The following AGO3 variants were observed in gnomAD, a reference collection of about 807,000 sequenced individuals.
AGO3 encodes the protein argonaute RISC catalytic component 3.
A neutral mutation model predicts 105.5 loss-of-function variants in AGO3; 16 were observed. The observed-to-expected ratio is 0.15, with a 90% CI of 0.10 to 0.23. The LOEUF is 0.23. AGO3 is among the 10% of genes least tolerant of loss of function. AGO3 has a pLI of 1.00. For synonymous variants in AGO3, 340 were observed against 367.3 expected, an observed-to-expected ratio of 0.93 and a Z score of 0.85; for missense variants, 534 against 1,088.0, an observed-to-expected ratio of 0.49 and a Z score of 7.16.
At chr1:36,024,645 C>T (rs1448298134) in intron 11 of AGO3, among the ~76,000 whole-genome samples, 1 of 152,170 alleles carries the variant, frequency 6.6e-6, no homozygotes, top group Non-Finnish European at 1.5e-5. Context: ...GTTTAGTCTT[C>T]TCTTTGACTA....
intron 2 of AGO3, among the ~76,000 whole-genome samples, chr1:35,960,110 A>G (rs1218996199): frequency 5.9e-5 from 9 of 152,122 alleles, no homozygotes; most frequent in Non-Finnish European, 5.9e-5. Context: ...TCAGGTTGGT[A>G]GTTTCCCAAT....
chr1:35,931,505 C>T (rs1646046561), intron 1 of AGO3, 60 bp downstream of exon 1: 2 of 1,340,800 alleles, frequency 1.5e-6, no homozygotes, highest in Admixed American at 3.8e-5. Context: ...CTCTGAGCAT[C>T]CCTGCTCCTC....
Position 36,027,106 on chromosome 1 carries a change from C to A in AGO3, c.1407-8C>A, listed in dbSNP as rs757316425. 6.2e-7 allele frequency: 1 copy of A among 1,606,486 alleles called. No homozygotes were observed. The highest frequency in any genetic ancestry group is 8.5e-7 in the Non-Finnish European group (1 of 1,176,616). ...AAAGGTTTTATATTTAGTGGTTTCT[C>A]CTTCCAGGGGTTTCACAGACCAGCT... On this transcript the variant is annotated splice_region_variant and splice_polypyrimidine_tract_variant and intron_variant, in intron 11 of 18. Coordinates refer to ENST00000373191, the MANE Select transcript of AGO3 (RefSeq NM_024852.4). The surrounding 1 kb of genome is among the most constrained non-coding windows in gnomAD (Gnocchi z 4.0).
In AGO3 at chr1:36,013,877, G is replaced by T. The variant is rs1320183458; in HGVS notation, c.1273-38G>T. ...TACTTTCTGTTTATTGAAAATTTTT[G>T]TTCTTTTTCACCATGTTATTTTTTT... On this transcript the variant is annotated intron_variant, in intron 10 of 18. Transcript: ENST00000373191. 7 of 1,599,670 alleles carry T rather than the reference G, an allele frequency of 4.4e-6. No individual in the cohort carries two copies. The Admixed American group carries it at 8.7e-5, about 20-fold the overall frequency.
At chr1:36,042,924 C>T (rs2148852349) in intron 16 of AGO3, among the ~76,000 whole-genome samples, 1 of 152,268 alleles carries the variant, frequency 6.6e-6, no homozygotes, top group Non-Finnish European at 1.5e-5. Context: ...TTTCCCTAAA[C>T]AAATGGAAAT....
intron 2 of AGO3, among the ~76,000 whole-genome samples, chr1:35,952,145 TTTC>T (rs200167957): frequency 0.01 from 852 of 83,442 alleles, 11 homozygotes; most frequent in East Asian, 0.071. Context: ...TCTTTCTTTC[TTTC>T]TTTTTTTTTT....
chr1:35,981,928 A>G (rs1039462851), intron 5 of AGO3, among the ~76,000 whole-genome samples: 4 of 152,058 alleles, frequency 2.6e-5, no homozygotes, highest in African/African-American at 9.7e-5. Context: ...TTTTAGTCTC[A>G]AGTACTTTGG....
At chr1:36,012,668 A>G (rs1029842494) in intron 9 of AGO3, among the ~76,000 whole-genome samples, 2 of 152,194 alleles carry the variant, frequency 1.3e-5, no homozygotes, top group Admixed American at 6.5e-5. Context: ...ATAAATTTTA[A>G]TAGAATGTAT....
intron 9 of AGO3, among the ~76,000 whole-genome samples, chr1:36,010,001 C>T (rs978265860): frequency 2.2e-5 from 3 of 137,130 alleles, no homozygotes; most frequent in Non-Finnish European, 3.0e-5. Context: ...TGCAGTGGCA[C>T]GATCTTGGCT....
chr1:36,001,810 C>T (rs1196028437), intron 5 of AGO3, among the ~76,000 whole-genome samples: 1 of 152,022 alleles, frequency 6.6e-6, no homozygotes, highest in Non-Finnish European at 1.5e-5. Flanking sequence ...TAAGTACTAA[C>T]AATGGTTACT....
At chr1:36,042,244 C>G (rs1045385563) in intron 16 of AGO3, among the ~76,000 whole-genome samples, 1 of 151,970 alleles carries the variant, frequency 6.6e-6, no homozygotes, top group Non-Finnish European at 1.5e-5. Context: ...GCCACCACAC[C>G]CGGCTAATTT....
rs370133222 is a variant in AGO3 at position 36,029,696 on chromosome 1, C to CTT, written c.1591+2411_1591+2412dup. Among the ~76,000 whole-genome samples the CTT allele has an allele frequency of 4.1e-4, 50 of 123,040 alleles. 1 individual carries two copies. In the East Asian group the frequency reaches 5.7e-3, roughly 14 times the overall value. 80.7% of individuals were successfully genotyped at this position (123,040 alleles called of 152,430 possible). On this transcript the variant is annotated intron_variant, in intron 12 of 18. Transcript: ENST00000373191. ...CAGGCGTGAGCCACCATGCCCGGCC[C>CTT]TTTTTTTTTTTTTTGAGACAGAGTC...
At chr1:36,019,302 A>G (rs79955314) in intron 11 of AGO3, among the ~76,000 whole-genome samples, 3 of 152,334 alleles carry the variant, frequency 2.0e-5, no homozygotes, top group East Asian at 1.9e-4. Context: ...TGACTATTTC[A>G]TAAGGGTTCA....
At chr1:36,032,895 C>A (rs1162733105) in intron 12 of AGO3, among the ~76,000 whole-genome samples, 2 of 151,832 alleles carry the variant, frequency 1.3e-5, no homozygotes, top group Non-Finnish European at 2.9e-5. Context: ...GAGGCCAAGG[C>A]GGGTGGATCA....
At position 35,966,939 on chromosome 1, in the gene AGO3, T is replaced by C. The variant is rs369014021; in HGVS notation, c.192-16T>C. The C allele has an allele frequency of 6.3e-7, 1 of 1,599,124 alleles. No individual in the cohort carries two copies. The highest frequency in any genetic ancestry group is 1.4e-5 in the African/African-American group (1 of 74,068). On this transcript the variant is annotated splice_polypyrimidine_tract_variant and intron_variant, in intron 2 of 18. Transcript: ENST00000373191. ...CTTACAGAGGATTATGTGAATATATTGTTTCCCTTCTTTAGGGAGGTGGTT... is the reference window on the plus strand; with the variant it reads ...CTTACAGAGGATTATGTGAATATATCGTTTCCCTTCTTTAGGGAGGTGGTT...
chr1:36,025,776 G>T (rs1200690681), intron 11 of AGO3, among the ~76,000 whole-genome samples: 3 of 152,244 alleles, frequency 2.0e-5, no homozygotes, highest in Admixed American at 6.5e-5. Flanking sequence ...AGTGGCTCAT[G>T]CCTGTAATCC....
Position 35,989,742 on chromosome 1 carries a change from G to A in AGO3, c.659-14599G>A, listed in dbSNP as rs532780919. Among the ~76,000 whole-genome samples, 36 of 152,108 alleles carry A rather than the reference G, an allele frequency of 2.4e-4. No individual in the cohort carries two copies. The South Asian group carries it at 7.1e-3, about 30-fold the overall frequency. On this transcript the variant is annotated intron_variant, in intron 5 of 18. Coordinates refer to ENST00000373191, the MANE Select transcript of AGO3 (RefSeq NM_024852.4). ...ATATAAAAATTAGCCAGGCGTGATA[G>A]CATGAGCTTGCAATCCCGGCCACTC...
chr1:36,041,827 G>T (rs981738194), intron 16 of AGO3, among the ~76,000 whole-genome samples: 1 of 152,086 alleles, frequency 6.6e-6, no homozygotes, highest in Admixed American at 6.6e-5. Context: ...TATTTGGGTT[G>T]TCGGGAGAAT....
At chr1:36,003,078 AATAAATAG>A (rs1032123053) in intron 5 of AGO3, among the ~76,000 whole-genome samples, 6 of 152,112 alleles carry the variant, frequency 3.9e-5, no homozygotes, top group African/African-American at 9.7e-5. Flanking sequence ...CTAAAAAATA[AATAAATAG>A]ATAAATAGAT....
Sources: gnomAD v4.1 joint callset for allele counts (sites outside exome capture counted in the v4.1 genomes callset) on GRCh38, gnomAD v4.1.1 for gene constraint, Gnocchi (gnomAD v3.1) non-coding constraint, MANE v1.5 for transcripts, NCBI Gene and HGNC (gene_info 2026-07-23, HGNC 2026-07-21) for gene names.